The following OPCML variants were observed in gnomAD, a reference collection of about 807,000 sequenced individuals.
The protein encoded by OPCML is opioid binding protein/cell adhesion molecule like, also known as opioid-binding protein/cell adhesion molecule.
OPCML carries 13 observed loss-of-function variants against 37.8 expected under a neutral mutation model. That is an observed-to-expected ratio of 0.34 (90% confidence interval 0.22 to 0.55). OPCML has a LOEUF of 0.55. Ranked by LOEUF, OPCML falls within the 20% of genes least tolerant of loss-of-function variation. The pLI, the probability that OPCML is intolerant of heterozygous loss-of-function variation, is 0.91. For missense variants in OPCML, 341 were observed against 435.6 expected, an observed-to-expected ratio of 0.78 and a Z score of 1.93; for synonymous variants, 176 against 168.8, an observed-to-expected ratio of 1.04 and a Z score of -0.33.
chr11:132,512,012 C>T (rs1459796853), intron 4 of OPCML, among the ~76,000 whole-genome samples: 5 of 151,936 alleles, frequency 3.3e-5, no homozygotes, highest in Non-Finnish European at 4.4e-5. Context: ...TAAATTATGA[C>T]TCCATAATAA....
chr11:133,107,461 G>A (rs1421890542), intron 1 of OPCML, among the ~76,000 whole-genome samples: 1 of 152,164 alleles, frequency 6.6e-6, no homozygotes. Flanking sequence ...GATACAAGCT[G>A]TAAGAAGAAA....
chr11:132,479,555 C>G (rs956682211), intron 4 of OPCML, among the ~76,000 whole-genome samples: 1 of 152,228 alleles, frequency 6.6e-6, no homozygotes, highest in African/African-American at 2.4e-5. Context: ...CCTCTGTAGG[C>G]TCCACCTCTG....
chr11:132,445,698 G>C (rs1200451276), intron 4 of OPCML, among the ~76,000 whole-genome samples: 1 of 152,108 alleles, frequency 6.6e-6, no homozygotes, highest in Non-Finnish European at 1.5e-5. Flanking sequence ...ACTTCCCAGG[G>C]GACTCTAATG....
intron 2 of OPCML, among the ~76,000 whole-genome samples, chr11:132,800,234 T>A (rs1938566076): frequency 6.6e-6 from 1 of 152,216 alleles, no homozygotes. Flanking sequence ...CAATTGCTAG[T>A]ATGCAATTGA....
intron 1 of OPCML, among the ~76,000 whole-genome samples, chr11:133,039,336 G>A (rs1947841888): frequency 6.6e-6 from 1 of 152,160 alleles, no homozygotes; most frequent in Non-Finnish European, 1.5e-5. Flanking sequence ...CTCAGGAGGG[G>A]CACAGGGAAC....
chr11:133,506,977 C>T (rs972032009), intron 1 of OPCML, among the ~76,000 whole-genome samples: 1 of 152,218 alleles, frequency 6.6e-6, no homozygotes, highest in South Asian at 2.1e-4. Flanking sequence ...ACCCAACAGG[C>T]ATCTGACTGC....
intron 1 of OPCML, chr11:133,417,976 C>T (rs1194209258): frequency 1.4e-6 from 1 of 707,256 alleles, no homozygotes; most frequent in Non-Finnish European, 1.7e-6. Flanking sequence ...AAAGTTTACA[C>T]AAGCTTTGTT....
intron 1 of OPCML, among the ~76,000 whole-genome samples, chr11:133,440,152 T>C (rs1946332108): frequency 6.6e-6 from 1 of 152,010 alleles, no homozygotes; most frequent in Non-Finnish European, 1.5e-5. Flanking sequence ...CTCAGCACTT[T>C]GGGAGGCCAA....
intron 1 of OPCML, among the ~76,000 whole-genome samples, chr11:132,978,369 G>A (rs1249456741): frequency 6.6e-6 from 1 of 152,212 alleles, no homozygotes; most frequent in Non-Finnish European, 1.5e-5. Flanking sequence ...TCACAGTGGA[G>A]AGAAGAGTTT....
chr11:133,469,089 C>T (rs1947042711), intron 1 of OPCML, among the ~76,000 whole-genome samples: 1 of 152,126 alleles, frequency 6.6e-6, no homozygotes, highest in Non-Finnish European at 1.5e-5. Context: ...CAGATCTGCT[C>T]ATTCACTCTA....
chr11:133,465,868 T>C (rs1946966604), intron 1 of OPCML, among the ~76,000 whole-genome samples: 2 of 152,214 alleles, frequency 1.3e-5, no homozygotes, highest in African/African-American at 4.8e-5. Flanking sequence ...TCATAGTCAC[T>C]TTTTGTCTTA....
chr11:133,104,867 C>G (rs1949134855), intron 1 of OPCML, among the ~76,000 whole-genome samples: 1 of 151,888 alleles, frequency 6.6e-6, no homozygotes, highest in Non-Finnish European at 1.5e-5. Flanking sequence ...ATATTAAGGC[C>G]CAATTCAAGA....
intron 3 of OPCML, among the ~76,000 whole-genome samples, chr11:132,611,429 T>C (rs925361205): frequency 2.6e-5 from 4 of 152,176 alleles, no homozygotes; most frequent in Non-Finnish European, 5.9e-5. Flanking sequence ...CCACCCTTCC[T>C]CCATTAGATT....
chr11:132,935,838 A>G (rs1359086752), intron 2 of OPCML, among the ~76,000 whole-genome samples: 2 of 152,230 alleles, frequency 1.3e-5, no homozygotes, highest in African/African-American at 4.8e-5. Context: ...GGTATCACTC[A>G]TTTCTTCACA....
intron 2 of OPCML, among the ~76,000 whole-genome samples, chr11:132,759,490 C>T (rs536435479): frequency 6.8e-4 from 103 of 151,932 alleles, no homozygotes; most frequent in African/African-American, 2.4e-3. Flanking sequence ...TTGTTATTGG[C>T]CTATTCAGGG....
chr11:133,200,724 A>G (rs1290496499), intron 1 of OPCML, among the ~76,000 whole-genome samples: 1 of 152,230 alleles, frequency 6.6e-6, no homozygotes, highest in African/African-American at 2.4e-5. Context: ...CCATGTCATT[A>G]TATGTAGAAG....
intron 2 of OPCML, among the ~76,000 whole-genome samples, chr11:132,726,279 T>G (rs1379652557): frequency 2.6e-5 from 4 of 152,146 alleles, no homozygotes; most frequent in Admixed American, 6.5e-5. Context: ...GGAAGGCAAG[T>G]AGGAACAAGT....
At chr11:133,326,323 G>T (rs1433447646) in intron 1 of OPCML, among the ~76,000 whole-genome samples, 5 of 107,070 alleles carry the variant, frequency 4.7e-5, no homozygotes, top group East Asian at 3.4e-4. Flanking sequence ...ATAAGTGTGT[G>T]GGGGGAGTGG....
At chr11:132,954,891 A>C (rs1298815334) in intron 1 of OPCML, among the ~76,000 whole-genome samples, 2 of 152,186 alleles carry the variant, frequency 1.3e-5, no homozygotes, top group Admixed American at 1.3e-4. Flanking sequence ...CGGTGCCCAC[A>C]CAGAAATCAG....
Sources: allele counts gnomAD v4.1 joint callset (sites outside exome capture counted in the v4.1 genomes callset), GRCh38; gene constraint gnomAD v4.1.1; transcripts MANE v1.5; gene names NCBI Gene and HGNC (gene_info 2026-07-23, HGNC 2026-07-21).